The following MSI2 variants were observed in gnomAD, a reference collection of about 807,000 sequenced individuals.
MSI2 encodes the protein musashi RNA binding protein 2.
MSI2 carries 17 observed loss-of-function variants against 45.6 expected under a neutral mutation model. The ratio of observed to expected loss-of-function variants is 0.37; its 90% CI spans 0.26 to 0.56. The LOEUF (loss-of-function observed/expected upper bound fraction) is 0.56. MSI2 is among the 20% of genes least tolerant of loss of function. The probability of loss-of-function intolerance (pLI) is 0.77; values close to 1 mark genes in which losing one functional copy is unlikely to be tolerated. For synonymous variants in MSI2, 156 were observed against 158.2 expected, an observed-to-expected ratio of 0.99 and a Z score of 0.11; for missense variants, 293 against 444.2, an observed-to-expected ratio of 0.66 and a Z score of 3.06.
intron 6 of MSI2, among the ~76,000 whole-genome samples, chr17:57,455,314 T>A (rs991454075): frequency 2.0e-5 from 3 of 152,216 alleles, no homozygotes; most frequent in Non-Finnish European, 4.4e-5. Context: ...CACAGGGAGC[T>A]GTGGTCACAG....
At chr17:57,356,024 C>T (rs757032408) in intron 5 of MSI2, among the ~76,000 whole-genome samples, 1 of 152,060 alleles carries the variant, frequency 6.6e-6, no homozygotes, top group African/African-American at 2.4e-5. Context: ...CAGGCACCCA[C>T]CCCCACGCCC....
chr17:57,564,352 C>G (rs982068083), intron 7 of MSI2, among the ~76,000 whole-genome samples: 1 of 152,304 alleles, frequency 6.6e-6, no homozygotes, highest in East Asian at 1.9e-4. Flanking sequence ...TGCCCTGTGC[C>G]CTTAGAGGGT....
chr17:57,497,128 T>C (rs2085995476), intron 6 of MSI2, among the ~76,000 whole-genome samples: 1 of 152,172 alleles, frequency 6.6e-6, no homozygotes, highest in African/African-American at 2.4e-5. Context: ...AGGTGCCTGC[T>C]ACCATGCCCA....
chr17:57,530,538 G>A (rs78600716), intron 7 of MSI2, among the ~76,000 whole-genome samples: 2,275 of 152,192 alleles, frequency 0.015, 51 homozygotes, highest in African/African-American at 0.051. Context: ...TCTGTTCTCC[G>A]GAAGCTCAGG....
intron 5 of MSI2, among the ~76,000 whole-genome samples, chr17:57,340,404 A>T (rs1915034960): frequency 6.6e-6 from 1 of 152,240 alleles, no homozygotes; most frequent in Non-Finnish European, 1.5e-5. Context: ...TCAACACTGC[A>T]GGGCTCTTTG....
intron 5 of MSI2, among the ~76,000 whole-genome samples, chr17:57,371,329 C>T (rs1175683519): frequency 1.3e-5 from 2 of 152,140 alleles, no homozygotes; most frequent in Non-Finnish European, 2.9e-5. Context: ...GAGACTTGGG[C>T]AGTTTGTTTA....
chr17:57,434,829 A>G (rs1489993842), intron 6 of MSI2, among the ~76,000 whole-genome samples: 2 of 151,722 alleles, frequency 1.3e-5, no homozygotes, highest in Non-Finnish European at 1.5e-5. Context: ...ATTTGTTTCC[A>G]TGTCTTGGCT....
chr17:57,425,464 G>A (rs1227488929), intron 6 of MSI2, among the ~76,000 whole-genome samples: 2 of 152,198 alleles, frequency 1.3e-5, no homozygotes, highest in Non-Finnish European at 2.9e-5. Flanking sequence ...AACTACGGTT[G>A]TGTACACTTT....
At chr17:57,528,705 T>C (rs2086756074) in intron 6 of MSI2, among the ~76,000 whole-genome samples, 1 of 152,180 alleles carries the variant, frequency 6.6e-6, no homozygotes, top group South Asian at 2.1e-4. Flanking sequence ...CTTCCCTGTT[T>C]GTGTTTGTGT....
intron 5 of MSI2, among the ~76,000 whole-genome samples, chr17:57,296,403 G>C (rs1910959600): frequency 6.6e-6 from 1 of 152,126 alleles, no homozygotes; most frequent in African/African-American, 2.4e-5. Context: ...AGAGGCCAGG[G>C]TGGTGGCTGC....
At chr17:57,597,587 C>T (rs1372385913) in intron 8 of MSI2, among the ~76,000 whole-genome samples, 2 of 151,808 alleles carry the variant, frequency 1.3e-5, no homozygotes, top group South Asian at 2.1e-4. Context: ...GATCACACCA[C>T]TGTACTCCAG....
At position 57,292,719 on chromosome 17, in the gene MSI2, C is replaced by T. The variant is rs556354317; in HGVS notation, c.312+30527C>T. Among the ~76,000 whole-genome samples the T allele has an allele frequency of 8.5e-5, 13 of 152,200 alleles. No individual in the cohort carries two copies. In the South Asian group the frequency reaches 1.5e-3, roughly 17 times the overall value. ...GCTCCACGATGCCCTTGGGAGCGAG[C>T]GAGTCATTTCACAAAGTGTTAGGAG... is the stretch of plus-strand genomic sequence containing the variant. On this transcript the variant is annotated intron_variant, in intron 5 of 13. Transcript: ENST00000284073.
intron 5 of MSI2, among the ~76,000 whole-genome samples, chr17:57,397,278 A>G (rs1352774258): frequency 6.6e-6 from 1 of 152,188 alleles, no homozygotes; most frequent in Non-Finnish European, 1.5e-5. Context: ...CAAAAGGAGT[A>G]TAGAACCCGG....
intron 6 of MSI2, among the ~76,000 whole-genome samples, chr17:57,520,129 T>A (rs1173535812): frequency 1.3e-5 from 2 of 152,180 alleles, no homozygotes; most frequent in Admixed American, 1.3e-4. Context: ...TTGCAGTAAT[T>A]AAATGAGCTT....
intron 5 of MSI2, among the ~76,000 whole-genome samples, chr17:57,285,183 T>C (rs941637184): frequency 6.6e-6 from 1 of 152,208 alleles, no homozygotes; most frequent in Non-Finnish European, 1.5e-5. Flanking sequence ...AGGCACATAC[T>C]GTTTTCAAGG....
intron 11 of MSI2, among the ~76,000 whole-genome samples, chr17:57,667,307 T>C (rs1286804447): frequency 6.6e-6 from 1 of 152,196 alleles, no homozygotes; most frequent in Non-Finnish European, 1.5e-5. Context: ...CACCGCCTGC[T>C]TCAGCCAAAC....
chr17:57,383,575 C>T (rs1042891584), intron 5 of MSI2, among the ~76,000 whole-genome samples: 2 of 152,170 alleles, frequency 1.3e-5, no homozygotes, highest in Non-Finnish European at 2.9e-5. Context: ...GCAGGAGAAT[C>T]GCTTGAACCC....
intron 5 of MSI2, among the ~76,000 whole-genome samples, chr17:57,383,593 G>A (rs571464802): frequency 3.1e-4 from 47 of 152,260 alleles, no homozygotes; most frequent in Admixed American, 2.0e-4. Context: ...CCCAGGAGGC[G>A]GAGGTTGCAG....
At chr17:57,673,256 G>T (rs1300808389) in intron 11 of MSI2, among the ~76,000 whole-genome samples, 2 of 152,172 alleles carry the variant, frequency 1.3e-5, no homozygotes, top group African/African-American at 4.8e-5. Context: ...TCCACTTCTG[G>T]CTCTTCCAGG....
Sources: allele counts gnomAD v4.1 joint callset (sites outside exome capture counted in the v4.1 genomes callset), GRCh38; gene constraint gnomAD v4.1.1; transcripts MANE v1.5; gene names NCBI Gene and HGNC (gene_info 2026-07-23, HGNC 2026-07-21).